Variants in EBF3 observed in about 807,000 individuals in gnomAD.
EBF3 encodes transcription factor COE3.
In EBF3, 18 loss-of-function variants were observed where a neutral mutation model predicts 77.1. That is an observed-to-expected ratio of 0.23 (90% CI 0.16 to 0.35). The LOEUF is 0.35. EBF3 is among the 10% of genes least tolerant of loss of function. The pLI, the probability that EBF3 is intolerant of heterozygous loss-of-function variation, is 1.00. For missense variants in EBF3, 558 were observed against 860.0 expected (o/e 0.65, Z 4.39); for synonymous variants, 350 against 343.5 (o/e 1.02, Z -0.21).
intron 6 of EBF3, among the ~76,000 whole-genome samples, chr10:129,907,981 G>A (rs780856088): frequency 5.9e-5 from 9 of 152,276 alleles, no homozygotes; most frequent in Non-Finnish European, 8.8e-5. Flanking sequence ...GGAGCTGGCC[G>A]GGACCCCACT....
At chr10:129,850,893 C>T (rs1850827679) in intron 10 of EBF3, among the ~76,000 whole-genome samples, 1 of 152,210 alleles carries the variant, frequency 6.6e-6, no homozygotes, top group Admixed American at 6.5e-5. Context: ...CTGGCAAGTT[C>T]CCCGACGGGA....
chr10:129,941,877 C>T (rs778161729), intron 6 of EBF3, among the ~76,000 whole-genome samples: 8 of 151,586 alleles, frequency 5.3e-5, no homozygotes, highest in Non-Finnish European at 1.0e-4. Flanking sequence ...TTTGCGGGGT[C>T]ATCCCAGGGC....
chr10:129,927,632 T>G (rs763410791), intron 6 of EBF3, among the ~76,000 whole-genome samples: 1 of 152,214 alleles, frequency 6.6e-6, no homozygotes, highest in Non-Finnish European at 1.5e-5. Context: ...CCTGAACCCA[T>G]GCCTCTGGAA....
intron 10 of EBF3, among the ~76,000 whole-genome samples, chr10:129,856,223 T>A (rs989303986): frequency 9.2e-5 from 14 of 152,164 alleles, no homozygotes; most frequent in South Asian, 4.1e-4. Context: ...ACAGAAGGTA[T>A]CACATTTTCA....
chr10:129,885,432 C>A lies in EBF3; in HGVS notation c.555-7583G>T, dbSNP rs1000483366. Among the ~76,000 whole-genome samples, 85 of 152,318 alleles carry A rather than the reference C, an allele frequency of 5.6e-4. No homozygotes were observed. The highest frequency in any genetic ancestry group is 2.0e-3 in the African/African-American group (85 of 41,556). ...CCCCACTCCGCCCGCTGTCAGTGTT[C>A]TAGTTAGTATTTTCTGCAACTGCTC... is the stretch of plus-strand genomic sequence containing the variant. On this transcript the variant is annotated intron_variant, in intron 6 of 16. Coordinates refer to ENST00000440978, the MANE Select transcript of EBF3 (RefSeq NM_001375380.1). The surrounding 1 kb of genome is among the most constrained non-coding windows in gnomAD (Gnocchi z 4.0).
chr10:129,873,409 A>G (rs1489501510), intron 8 of EBF3, 43 bp downstream of exon 8: 1 of 1,470,080 alleles, frequency 6.8e-7, no homozygotes, highest in African/African-American at 1.4e-5. Context: ...TGCAAAGAAA[A>G]AGAAGCATCG....
chr10:129,894,025 C>CAGA (rs367985900), intron 6 of EBF3, among the ~76,000 whole-genome samples: 77 of 152,282 alleles, frequency 5.1e-4, no homozygotes, highest in African/African-American at 1.7e-3. Flanking sequence ...AACCCACAGG[C>CAGA]AGAATAATTT....
rs765264823 is a variant in EBF3, at chr10:129,897,373, C to G, written c.555-19524G>C. On this transcript the variant is annotated intron_variant, in intron 6 of 16. Transcript: ENST00000440978. This position sits in a 1 kb window ranked among gnomAD's most constrained non-coding sequence, Gnocchi z 4.6. ...AGTGGCCCCAGGACCTTTGTGGAAC[C>G]AGAGCAGAGCCCAGCGGTGCCACCC... Among the ~76,000 whole-genome samples, 22 of 152,286 alleles carry G rather than the reference C, an allele frequency of 1.4e-4. No individual in the cohort carries two copies. Among genetic ancestry groups the G allele is most frequent in the Middle Eastern group, 3.4e-3 (1 of 294 alleles).
At chr10:129,845,234 A>G (rs1003793416) in intron 11 of EBF3, 9 of 152,340 alleles carry the variant, frequency 5.9e-5, no homozygotes, top group African/African-American at 4.8e-5. Flanking sequence ...TTTTGTTACA[A>G]TATGCCGAGC....
rs773093643 is a variant in EBF3, at chr10:129,842,146, C to T, written c.1342G>A (p.Val448Met). The T allele has an allele frequency of 8.1e-6, 13 of 1,614,250 alleles. No homozygotes were observed. Among genetic ancestry groups the T allele is most frequent in the Admixed American group, 5.0e-5 (3 of 60,032 alleles). Residue 448 changes from valine to methionine, a missense_variant, in exon 13 of 17, where the codon GTG becomes ATG. Transcript: ENST00000440978. This position sits in a 1 kb window ranked among gnomAD's most constrained non-coding sequence, Gnocchi z 4.4. ...NSFSSQLAVN[V>M]SETSQANDQV... ...TCGTTGGCTTGTGACGTCTCTGACA[C>T]GTTGACGGCTAGCTGGCTGCTGAAG...
chr10:129,838,977 G>A (rs931424947), intron 16 of EBF3, 106 bp downstream of exon 16: 4 of 1,099,492 alleles, frequency 3.6e-6, no homozygotes, highest in African/African-American at 3.2e-5. Flanking sequence ...CCCTGGTGTG[G>A]TGCCCGCTGA....
intron 11 of EBF3, chr10:129,845,724 C>T (rs1712501819): frequency 6.6e-6 from 1 of 150,394 alleles, no homozygotes; most frequent in Admixed American, 6.7e-5. Flanking sequence ...AATTGCTCAA[C>T]ATGACCGCAT....
chr10:129,906,177 T>A (rs1197708857), intron 6 of EBF3, among the ~76,000 whole-genome samples: 1 of 152,200 alleles, frequency 6.6e-6, no homozygotes, highest in African/African-American at 2.4e-5. Context: ...TTTCAAAGCT[T>A]AATGCAAGAC....
chr10:129,938,337 C>G lies in EBF3; in HGVS notation c.554+18921G>C, dbSNP rs554846873. On this transcript the variant is annotated intron_variant, in intron 6 of 16. Coordinates refer to ENST00000440978, the MANE Select transcript of EBF3 (RefSeq NM_001375380.1). This position sits in a 1 kb window ranked among gnomAD's most constrained non-coding sequence, Gnocchi z 5.1. ...GGCAGATCACTTGAGCTCAGGAGTT[C>G]AACACCAGCCTGGGCAACATGGCAA... Among the ~76,000 whole-genome samples, 2 of 148,418 alleles carry G rather than the reference C, an allele frequency of 1.3e-5. No individual in the cohort carries two copies. The highest frequency in any genetic ancestry group is 3.0e-5 in the Non-Finnish European group (2 of 67,538).
At chr10:129,883,503 G>C in intron 6 of EBF3, among the ~76,000 whole-genome samples, 1 of 152,194 alleles carries the variant, frequency 6.6e-6, no homozygotes, top group Non-Finnish European at 1.5e-5. Flanking sequence ...TTAATAAGCA[G>C]CAAACTCATA....
chr10:129,891,791 T>C (rs78884972), intron 6 of EBF3, among the ~76,000 whole-genome samples: 29 of 152,334 alleles, frequency 1.9e-4, no homozygotes, highest in African/African-American at 5.3e-4. Flanking sequence ...TTCTGGATAA[T>C]TGGAGAGCAT....
intron 10 of EBF3, among the ~76,000 whole-genome samples, chr10:129,852,545 A>G (rs1589706509): frequency 6.6e-6 from 1 of 152,122 alleles, no homozygotes. Flanking sequence ...TGATGGCTTA[A>G]CCTTCTTTGT....
intron 6 of EBF3, among the ~76,000 whole-genome samples, chr10:129,902,588 T>A (rs1171789114): frequency 2.0e-5 from 3 of 152,038 alleles, no homozygotes. Context: ...GTGTTTTGCG[T>A]TTTTCAGTAA....
intron 10 of EBF3, among the ~76,000 whole-genome samples, chr10:129,860,600 C>T (rs1035945991): frequency 2.0e-5 from 3 of 152,184 alleles, no homozygotes; most frequent in Admixed American, 6.5e-5. Context: ...ACTTGGAAAA[C>T]GACCAAAGCC....
Sources: gnomAD v4.1 joint callset for allele counts (sites outside exome capture counted in the v4.1 genomes callset) on GRCh38, gnomAD v4.1.1 for gene constraint, Gnocchi (gnomAD v3.1) non-coding constraint, MANE v1.5 for transcripts, NCBI Gene and HGNC (gene_info 2026-07-23, HGNC 2026-07-21) for gene names.